SLC6A2: variants seen among roughly 807,000 people sequenced by gnomAD.
SLC6A2 encodes the protein sodium-dependent noradrenaline transporter.
In SLC6A2, 26 loss-of-function variants were observed where a neutral mutation model predicts 71.7. The observed-to-expected ratio is 0.36, with a 90% CI of 0.27 to 0.50. The LOEUF is 0.50. Among genes scored for constraint, SLC6A2 ranks in the 20% least tolerant of loss-of-function variants. The pLI, the probability that SLC6A2 is intolerant of heterozygous loss-of-function variation, is 0.96. For missense variants in SLC6A2, 581 were observed against 803.9 expected, an observed-to-expected ratio of 0.72 and a Z score of 3.35; for synonymous variants, 363 against 337.9, an observed-to-expected ratio of 1.07 and a Z score of -0.82.
chr16:55,684,996 G>A, intron 4 of SLC6A2, 147 bp from the exon 5 acceptor site: 2 of 758,484 alleles, frequency 2.6e-6, no homozygotes, highest in Non-Finnish European at 4.5e-6. Context: ...TGTGGTGCAT[G>A]GCAGTGGCTA....
intron 4 of SLC6A2, among the ~76,000 whole-genome samples, chr16:55,672,587 A>G (rs187714): frequency 0.39 from 58,550 of 151,986 alleles, 11,768 homozygotes; most frequent in South Asian, 0.48. Flanking sequence ...AGGAGGTGAC[A>G]TAGGAACTGA....
chr16:55,667,047 A>C (rs1964771378), intron 2 of SLC6A2, among the ~76,000 whole-genome samples: 2 of 150,506 alleles, frequency 1.3e-5, no homozygotes, highest in Non-Finnish European at 1.5e-5. Context: ...TCACTCTGTC[A>C]CCCAGGCTGC....
intron 13 of SLC6A2, among the ~76,000 whole-genome samples, chr16:55,701,461 C>A (rs12599150): frequency 1.3e-5 from 2 of 152,198 alleles, no homozygotes; most frequent in East Asian, 1.9e-4. Context: ...GAGGGCTTTC[C>A]TGATTCCCTG....
At chr16:55,677,751 C>T (rs1180729774) in intron 4 of SLC6A2, among the ~76,000 whole-genome samples, 3 of 152,124 alleles carry the variant, frequency 2.0e-5, no homozygotes, top group Non-Finnish European at 4.4e-5. Flanking sequence ...CCTTGACCTC[C>T]CAGGCTCAAG....
At chr16:55,687,326 T>C (rs1292743399) in intron 5 of SLC6A2, among the ~76,000 whole-genome samples, 7 of 152,226 alleles carry the variant, frequency 4.6e-5, no homozygotes, top group African/African-American at 1.2e-4. Flanking sequence ...TGTCTTGATA[T>C]TGAAGGCATT....
intron 14 of SLC6A2, 38 bp downstream of exon 14, chr16:55,701,972 G>C: frequency 1.3e-6 from 2 of 1,515,672 alleles, no homozygotes; most frequent in South Asian, 2.2e-5. Context: ...GAGATTACAA[G>C]GGCGGGCCCT....
At position 55,658,196 on chromosome 16, in the gene SLC6A2, C is replaced by T. The variant is rs369630194; in HGVS notation, c.274+1228C>T. On this transcript the variant is annotated intron_variant, in intron 2 of 14. Transcript: ENST00000568943. ...TGTACTCTGGACACTTGCTTTGGGA[C>T]GGGCAATACTTGGTGTTTGCAAAAA... is the stretch of plus-strand genomic sequence containing the variant. Among the ~76,000 whole-genome samples the T allele has an allele frequency of 5.3e-5, 8 of 152,136 alleles. No homozygotes were observed. In the East Asian group the frequency reaches 7.8e-4, roughly 15 times the overall value.
intron 2 of SLC6A2, among the ~76,000 whole-genome samples, chr16:55,662,398 A>G (rs1405009812): frequency 6.6e-6 from 1 of 152,186 alleles, no homozygotes; most frequent in African/African-American, 2.4e-5. Flanking sequence ...GAATATGGAG[A>G]TGAGCAAAAG....
Position 55,685,263 on chromosome 16 carries a change from G to T in SLC6A2, c.765G>T (p.Gly255=), listed in dbSNP as rs1174683578. ...VIVLYFSLWK[G]VKTSGKVVWI... ...TCTTGTATTTTAGCCTCTGGAAAGG[G>T]GTGAAGACATCAGGAAAGGTAATAT... The change falls in exon 5 of 15, where the codon GGG becomes GGT. Residue 255 remains glycine (G), a synonymous_variant. Transcript: ENST00000568943. 1.2e-6 allele frequency: 2 copies of T among 1,614,144 alleles called. No individual in the cohort carries two copies. The highest frequency in any genetic ancestry group is 3.3e-5 in the Admixed American group (2 of 60,028).
At chr16:55,699,416 C>T in intron 11 of SLC6A2, 138 bp from the exon 12 acceptor site, 3 of 724,656 alleles carry the variant, frequency 4.1e-6, no homozygotes, top group Non-Finnish European at 7.6e-6. Context: ...AGGGCCCATC[C>T]CCGAGTCTCC....
intron 2 of SLC6A2, among the ~76,000 whole-genome samples, 182 bp from the exon 3 acceptor site, chr16:55,669,383 T>G (rs1964841565): frequency 6.6e-6 from 1 of 152,210 alleles, no homozygotes; most frequent in South Asian, 2.1e-4. Context: ...CTATTATGGT[T>G]ATGATTATTA....
At chr16:55,685,623 T>A (rs1965427824) in intron 5 of SLC6A2, among the ~76,000 whole-genome samples, 1 of 152,212 alleles carries the variant, frequency 6.6e-6, no homozygotes, top group Non-Finnish European at 1.5e-5. Flanking sequence ...AACATGCCCT[T>A]GATAAATCTT....
At position 55,684,185 on chromosome 16, in the gene SLC6A2, A is replaced by G. The variant is rs147174681; in HGVS notation, c.645-958A>G. ...CATGGTGATGTATACCTATATTCCCAGCTACTTGGGAGGCTGAGGTGGGAG... is the reference window on the plus strand; with the variant it reads ...CATGGTGATGTATACCTATATTCCCGGCTACTTGGGAGGCTGAGGTGGGAG... On this transcript the variant is annotated intron_variant, in intron 4 of 14. Coordinates refer to ENST00000568943, the MANE Select transcript of SLC6A2 (RefSeq NM_001172501.3). Among the ~76,000 whole-genome samples the G allele has an allele frequency of 4.0e-3, 603 of 151,790 alleles. 6 individuals carry two copies. In the South Asian group the frequency reaches 0.08, roughly 20 times the overall value.
chr16:55,691,101 G>C (rs1965604051), intron 5 of SLC6A2, among the ~76,000 whole-genome samples: 1 of 151,686 alleles, frequency 6.6e-6, no homozygotes, highest in African/African-American at 2.4e-5. Context: ...TGCTTAAAGG[G>C]GGGTAAAGAA....
chr16:55,696,517 A>G (rs1965804260), intron 9 of SLC6A2, among the ~76,000 whole-genome samples, 180 bp downstream of exon 9: 2 of 152,214 alleles, frequency 1.3e-5, no homozygotes, highest in Non-Finnish European at 2.9e-5. Context: ...GATAAGACTT[A>G]GGCCATAGCC....
intron 5 of SLC6A2, among the ~76,000 whole-genome samples, chr16:55,685,707 C>A (rs1322990452): frequency 6.6e-6 from 1 of 152,152 alleles, no homozygotes; most frequent in African/African-American, 2.4e-5. Flanking sequence ...ATAAATCCCC[C>A]CTCTGAATTT....
At position 55,703,280 on chromosome 16, in the gene SLC6A2, C is replaced by G. The variant is rs1376572057; in HGVS notation, c.*934C>G. 3 of 985,380 alleles carry G rather than the reference C, an allele frequency of 3.0e-6. No homozygotes were observed. In the African/African-American group the frequency reaches 5.2e-5, roughly 17 times the overall value. The allele number at this position is 985,380 out of a possible 1,614,324, so 61.0% of individuals were successfully genotyped here. ...GTGTGTCTTCACCGTGCTGTCCTCA[C>G]AAGGCCAGGTGGGTGCCCAAAGGGA... On this transcript the variant is annotated 3_prime_UTR_variant, in exon 15 of 15. Coordinates refer to ENST00000568943, the MANE Select transcript of SLC6A2 (RefSeq NM_001172501.3).
At chr16:55,702,030 A>G (rs1567460607) in intron 14 of SLC6A2, 96 bp downstream of exon 14, 2 of 961,338 alleles carry the variant, frequency 2.1e-6, no homozygotes, top group East Asian at 2.4e-5. Context: ...CACATCCAGA[A>G]AACCCAGAAA....
chr16:55,672,662 T>C (rs1258578189), intron 4 of SLC6A2, among the ~76,000 whole-genome samples: 5 of 152,214 alleles, frequency 3.3e-5, no homozygotes, highest in South Asian at 4.2e-4. Flanking sequence ...TGAACCCGAG[T>C]TGATTTGACC....
Sources: allele counts gnomAD v4.1 joint callset (sites outside exome capture counted in the v4.1 genomes callset), GRCh38; gene constraint gnomAD v4.1.1; transcripts MANE v1.5; gene names NCBI Gene and HGNC (gene_info 2026-07-23, HGNC 2026-07-21).